Variants in MCTP1 observed in about 807,000 individuals in gnomAD.
MCTP1 encodes multiple C2 and transmembrane domain containing 1, also known as multiple C2 and transmembrane domain-containing protein 1.
In MCTP1, 69 loss-of-function variants were observed where a neutral mutation model predicts 120.6. The observed-to-expected ratio is 0.57, with a 90% CI of 0.47 to 0.70. The LOEUF is 0.70. Among genes scored for constraint, MCTP1 ranks in the 30% least tolerant of loss-of-function variants. MCTP1 has a pLI of 0.00. For missense variants in MCTP1, 1,203 were observed against 1,248.8 expected (o/e 0.96, Z 0.55); for synonymous variants, 529 against 493.1 (o/e 1.07, Z -0.96).
At chr5:94,954,145 T>C (rs7722397) in intron 2 of MCTP1, among the ~76,000 whole-genome samples, 1 of 28,450 alleles carries the variant, frequency 3.5e-5, no homozygotes, top group Non-Finnish European at 6.2e-5. Flanking sequence ...TGCATATATA[T>C]ACATATATAT....
intron 2 of MCTP1, among the ~76,000 whole-genome samples, chr5:95,002,101 T>C (rs1192983881): frequency 1.3e-5 from 2 of 152,232 alleles, no homozygotes; most frequent in East Asian, 1.9e-4. Flanking sequence ...CTTCCATTTA[T>C]GGTGTTGAGC....
chr5:94,841,870 T>C (rs987226709), intron 17 of MCTP1, among the ~76,000 whole-genome samples: 1 of 152,216 alleles, frequency 6.6e-6, no homozygotes, highest in Non-Finnish European at 1.5e-5. Flanking sequence ...TGCACCGTTC[T>C]ACTGTTCTTG....
chr5:95,270,802 C>T (rs1759318542), intron 1 of MCTP1, among the ~76,000 whole-genome samples: 1 of 152,072 alleles, frequency 6.6e-6, no homozygotes, highest in Admixed American at 6.5e-5. Context: ...TGATGGCAGG[C>T]ACCTGTAGTT....
chr5:95,063,304 C>A (rs531459200), intron 1 of MCTP1, among the ~76,000 whole-genome samples: 3 of 152,294 alleles, frequency 2.0e-5, no homozygotes, highest in South Asian at 2.1e-4. Flanking sequence ...ACTCAGGGAT[C>A]TTTTAATTTT....
chr5:94,866,814 G>A (rs1233571848), intron 17 of MCTP1, among the ~76,000 whole-genome samples: 4 of 151,038 alleles, frequency 2.6e-5, no homozygotes, highest in East Asian at 1.9e-4. Context: ...CATTTTACGC[G>A]AGTGACCTCC....
chr5:95,161,134 C>T (rs1476231291), intron 1 of MCTP1, among the ~76,000 whole-genome samples: 1 of 152,116 alleles, frequency 6.6e-6, no homozygotes, highest in Non-Finnish European at 1.5e-5. Context: ...GAAGAGATAT[C>T]TGTACTTCCA....
chr5:95,214,400 C>G, intron 1 of MCTP1, among the ~76,000 whole-genome samples: 1 of 151,954 alleles, frequency 6.6e-6, no homozygotes, highest in Non-Finnish European at 1.5e-5. Flanking sequence ...AATAGGAACA[C>G]TTTTACACTG....
intron 17 of MCTP1, among the ~76,000 whole-genome samples, chr5:94,865,197 G>A (rs929183657): frequency 6.6e-5 from 10 of 151,736 alleles, no homozygotes; most frequent in South Asian, 2.1e-4. Flanking sequence ...CAGAGGTAGC[G>A]TTAAGGAAGC....
chr5:94,989,382 T>G (rs896868813), intron 2 of MCTP1, among the ~76,000 whole-genome samples: 2 of 152,204 alleles, frequency 1.3e-5, no homozygotes, highest in African/African-American at 4.8e-5. Context: ...CAACATTCAT[T>G]TATTGTCTCA....
At chr5:95,057,360 C>T (rs189581749) in intron 1 of MCTP1, among the ~76,000 whole-genome samples, 15 of 152,142 alleles carry the variant, frequency 9.9e-5, no homozygotes, top group Non-Finnish European at 2.1e-4. Context: ...CAGTGTAATG[C>T]AGTGGGAAAA....
chr5:95,011,879 A>G (rs1340452175), intron 2 of MCTP1, among the ~76,000 whole-genome samples: 1 of 152,066 alleles, frequency 6.6e-6, no homozygotes. Context: ...CTCCTATGTG[A>G]TTTTGACATT....
At chr5:94,802,780 C>T (rs1781484028) in intron 17 of MCTP1, among the ~76,000 whole-genome samples, 1 of 152,160 alleles carries the variant, frequency 6.6e-6, no homozygotes, top group South Asian at 2.1e-4. Context: ...CTAATGTATT[C>T]ACAGAATACA....
chr5:94,886,321 T>C (rs1268999298), intron 12 of MCTP1, among the ~76,000 whole-genome samples: 2 of 152,238 alleles, frequency 1.3e-5, no homozygotes, highest in African/African-American at 4.8e-5. Context: ...GAAAAATTCT[T>C]TGTAACTGTA....
chr5:94,945,024 CAT>C (rs755280089), intron 3 of MCTP1, among the ~76,000 whole-genome samples: 12 of 152,202 alleles, frequency 7.9e-5, no homozygotes, highest in South Asian at 2.1e-4. Context: ...GAAAAAAACA[CAT>C]GTTATTTTCC....
At chr5:94,803,773 G>A (rs1781691445) in intron 17 of MCTP1, among the ~76,000 whole-genome samples, 1 of 152,088 alleles carries the variant, frequency 6.6e-6, no homozygotes, top group Non-Finnish European at 1.5e-5. Context: ...TGAAATGAGT[G>A]CCACTTTCAG....
At chr5:95,206,968 A>G (rs1751695368) in intron 1 of MCTP1, among the ~76,000 whole-genome samples, 1 of 152,204 alleles carries the variant, frequency 6.6e-6, no homozygotes, top group Non-Finnish European at 1.5e-5. Context: ...TAGAAGTCAA[A>G]TTATATATTT....
intron 11 of MCTP1, among the ~76,000 whole-genome samples, chr5:94,889,789 T>A (rs1367316271): frequency 8.2e-6 from 1 of 122,566 alleles, no homozygotes; most frequent in South Asian, 2.8e-4. Flanking sequence ...CACACCCCTC[T>A]ATGTGGATAA....
At chr5:95,217,959 G>A (rs1464353773) in intron 1 of MCTP1, among the ~76,000 whole-genome samples, 2 of 152,134 alleles carry the variant, frequency 1.3e-5, no homozygotes, top group African/African-American at 4.8e-5. Flanking sequence ...CAACTTCTCT[G>A]ATCATGCAGG....
At chr5:94,716,359 G>T (rs1458612995) in intron 19 of MCTP1, among the ~76,000 whole-genome samples, 1 of 151,478 alleles carries the variant, frequency 6.6e-6, no homozygotes, top group Non-Finnish European at 1.5e-5. Flanking sequence ...CATGACAGAC[G>T]TTGGTGCATC....
Sources: allele counts gnomAD v4.1 joint callset (sites outside exome capture counted in the v4.1 genomes callset), GRCh38; gene constraint gnomAD v4.1.1; transcripts MANE v1.5; gene names NCBI Gene and HGNC (gene_info 2026-07-23, HGNC 2026-07-21).